Variants in DCN observed in about 807,000 individuals in gnomAD.
DCN encodes the protein decorin.
Under a neutral mutation model 36.5 loss-of-function variants are expected in DCN, and 17 were observed. That is an observed-to-expected ratio of 0.47 (90% CI 0.32 to 0.70). The LOEUF is 0.70. DCN is among the 30% of genes least tolerant of loss of function. DCN has a pLI of 0.04. For synonymous variants in DCN, 163 were observed against 161.4 expected (o/e 1.01, Z -0.07); for missense variants, 389 against 430.1 (o/e 0.90, Z 0.84).
intron 7 of DCN, among the ~76,000 whole-genome samples, chr12:91,148,280 A>G (rs1377671380): frequency 6.6e-6 from 1 of 151,802 alleles, no homozygotes; most frequent in Non-Finnish European, 1.5e-5. Flanking sequence ...TCACCATGTT[A>G]GCCAGGATGG....
At chr12:91,154,750 G>A (rs1881651166) in intron 5 of DCN, among the ~76,000 whole-genome samples, 1 of 151,376 alleles carries the variant, frequency 6.6e-6, no homozygotes, top group African/African-American at 2.4e-5. Flanking sequence ...AAAATATATT[G>A]AGGTTTACAT....
Position 91,151,864 on chromosome 12 carries a change from T to G in DCN, c.747-72A>C, listed in dbSNP as rs929018668. On this transcript the variant is annotated intron_variant, in intron 6 of 7. Transcript: ENST00000052754. Reference sequence around the variant, plus strand: ...TTTCTTACAAGCATTGTGTAGTTAATCAAGTCTATAGGAAAGGACATTTTT... The same window carrying G: ...TTTCTTACAAGCATTGTGTAGTTAAGCAAGTCTATAGGAAAGGACATTTTT... The G allele has an allele frequency of 7.0e-6, 11 of 1,579,410 alleles. No homozygotes were observed. The African/African-American group carries it at 1.3e-4, about 19-fold the overall frequency.
At chr12:91,164,575 TA>T in intron 3 of DCN, 29 bp downstream of exon 3, 1 of 1,220,524 alleles carries the variant, frequency 8.2e-7, no homozygotes, top group Non-Finnish European at 1.2e-6. Flanking sequence ...AGTCTTATCT[TA>T]TTGTGAGTTA....
chr12:91,180,630 T>A (rs1161003311), intron 1 of DCN: 1 of 152,218 alleles, frequency 6.6e-6, no homozygotes, highest in Non-Finnish European at 1.5e-5. Context: ...TTATTCACAC[T>A]GCCACTTTAA....
intron 3 of DCN, among the ~76,000 whole-genome samples, chr12:91,163,289 T>G (rs1592693862): frequency 6.6e-6 from 1 of 152,220 alleles, no homozygotes; most frequent in East Asian, 1.9e-4. Context: ...GTATAGCATA[T>G]TCTCTCCCAA....
chr12:91,157,057 TG>T lies in DCN; in HGVS notation c.652+17del. ...TGAATTTAAATTTTTCAAAATGTTT[TG>T]GAGAATCTTCTATCACCTTGAGGAA... On this transcript the variant is annotated intron_variant, in intron 5 of 7. Coordinates refer to ENST00000052754, the MANE Select transcript of DCN (RefSeq NM_001920.5). The T allele has an allele frequency of 6.6e-7, 1 of 1,509,740 alleles. No homozygotes were observed. The highest frequency in any genetic ancestry group is 9.2e-7 in the Non-Finnish European group (1 of 1,084,938). 93.5% of individuals were successfully genotyped at this position (1,509,740 alleles called of 1,614,324 possible). A position where few individuals can be genotyped will look rare whatever the true frequency, so the allele number is the denominator to read the frequency against.
chr12:91,180,463 G>A (rs1473074710), intron 1 of DCN: 1 of 152,088 alleles, frequency 6.6e-6, no homozygotes, highest in Non-Finnish European at 1.5e-5. Context: ...GGTATCTTCT[G>A]GGAATTTTTG....
chr12:91,155,843 G>A (rs924119226), intron 5 of DCN, among the ~76,000 whole-genome samples: 6 of 152,136 alleles, frequency 3.9e-5, no homozygotes, highest in Non-Finnish European at 8.8e-5. Context: ...TCAAAAGCAT[G>A]CTCTGTATTC....
intron 2 of DCN, chr12:91,177,601 C>G (rs1883370420): frequency 2.8e-6 from 2 of 702,202 alleles, no homozygotes; most frequent in African/African-American, 1.7e-5. Flanking sequence ...GTGTAATGCT[C>G]TTGGAATTTC....
At chr12:91,157,273 AT>A in intron 4 of DCN, 85 bp from the exon 5 acceptor site, 2 of 940,332 alleles carry the variant, frequency 2.1e-6, no homozygotes, top group South Asian at 2.6e-5. Flanking sequence ...CAAGCAACCT[AT>A]AAAGAAATAG....
intron 2 of DCN, among the ~76,000 whole-genome samples, chr12:91,169,295 C>T (rs1882780446): frequency 6.9e-6 from 1 of 144,576 alleles, no homozygotes; most frequent in Non-Finnish European, 1.5e-5. Context: ...AAGGAGGATC[C>T]CCTGAGCCTG....
At chr12:91,150,740 G>A (rs1055434285) in intron 7 of DCN, 2 of 151,972 alleles carry the variant, frequency 1.3e-5, no homozygotes, top group South Asian at 4.2e-4. Context: ...CCCATTACTG[G>A]GTATATACCC....
At chr12:91,174,508 T>G (rs1883175280) in intron 2 of DCN, among the ~76,000 whole-genome samples, 1 of 152,032 alleles carries the variant, frequency 6.6e-6, no homozygotes, top group Non-Finnish European at 1.5e-5. Context: ...TAAAAGGAAA[T>G]ATCAGAAACA....
intron 7 of DCN, among the ~76,000 whole-genome samples, chr12:91,149,095 TG>T (rs1881239653): frequency 6.6e-6 from 1 of 152,080 alleles, no homozygotes. Flanking sequence ...ACTCATTCTA[TG>T]GGGTCAATAT....
chr12:91,144,108 C>T lies in DCN; in HGVS notation c.*1950G>A, dbSNP rs1386943045. The T allele has an allele frequency of 2.6e-5, 4 of 151,924 alleles. No homozygotes were observed. Among genetic ancestry groups the T allele is most frequent in the Non-Finnish European group, 4.4e-5 (3 of 67,994 alleles). The allele number at this position is 151,924 out of a possible 1,614,324, so 9.4% of individuals were successfully genotyped here. A position where few individuals can be genotyped will look rare whatever the true frequency, so the allele number is the denominator to read the frequency against. On this transcript the variant is annotated 3_prime_UTR_variant, in exon 8 of 8. Coordinates refer to ENST00000052754, the MANE Select transcript of DCN (RefSeq NM_001920.5). ...GCAGCAGGATATCTGCAGGCTTTTC[C>T]CCATAAGAGAAAGGCTGCAGCATAA...
chr12:91,165,869 TAGC>T (rs1882535706), intron 2 of DCN, among the ~76,000 whole-genome samples: 1 of 152,186 alleles, frequency 6.6e-6, no homozygotes, highest in Admixed American at 6.5e-5. Flanking sequence ...CCTGGGAATA[TAGC>T]AGGACCAAGG....
chr12:91,158,507 T>C lies in DCN; in HGVS notation c.327A>G (p.Ala109=), dbSNP rs746085883. 1.9e-5 allele frequency: 29 copies of C among 1,499,720 alleles called. No homozygotes were observed. The highest frequency in any genetic ancestry group is 2.5e-5 in the Non-Finnish European group (27 of 1,075,856). 92.9% of individuals were successfully genotyped at this position (1,499,720 alleles called of 1,614,324 possible). Residue 109 remains alanine, a splice_region_variant and synonymous_variant, in exon 4 of 8, where the codon GCA becomes GCG. Coordinates refer to ENST00000052754, the MANE Select transcript of DCN (RefSeq NM_001920.5). ...GDFKNLKNLH[A]LILVNNKISK... ...TAATTTTATTGTTGACAAGAATCAA[T>C]GCCTGTAGATAGTGAAGAAAAACAT...
chr12:91,143,872 A>G lies in DCN; in HGVS notation c.*2186T>C, dbSNP rs923063773. The G allele has an allele frequency of 6.7e-6, 1 of 149,598 alleles. No individual in the cohort carries two copies. Among genetic ancestry groups the G allele is most frequent in the Non-Finnish European group, 1.5e-5 (1 of 67,542 alleles). 9.3% of individuals were successfully genotyped at this position (149,598 alleles called of 1,614,324 possible). ...TATATGTGTGTATATATATAAAGAT[A>G]TATATGTGTGTGTATATATATAAAT... On this transcript the variant is annotated 3_prime_UTR_variant, in exon 8 of 8. Coordinates refer to ENST00000052754, the MANE Select transcript of DCN (RefSeq NM_001920.5).
At chr12:91,161,661 CA>C (rs1882162653) in intron 3 of DCN, among the ~76,000 whole-genome samples, 1 of 152,150 alleles carries the variant, frequency 6.6e-6, no homozygotes, top group Non-Finnish European at 1.5e-5. Flanking sequence ...TCCATTGCTT[CA>C]GCTGTTTCTT....
Sources: allele counts gnomAD v4.1 joint callset (sites outside exome capture counted in the v4.1 genomes callset), GRCh38; gene constraint gnomAD v4.1.1; transcripts MANE v1.5; gene names NCBI Gene and HGNC (gene_info 2026-07-23, HGNC 2026-07-21).